Variants in FRMD8 observed in about 807,000 individuals in gnomAD.
FRMD8 encodes FERM domain containing 8, also known as FERM domain-containing protein 8.
A neutral mutation model predicts 54.2 loss-of-function variants in FRMD8; 37 were observed. The observed-to-expected ratio is 0.68, with a 90% CI of 0.53 to 0.90. The LOEUF is 0.90. FRMD8 is among the 40% of genes least tolerant of loss of function. The pLI, the probability that FRMD8 is intolerant of heterozygous loss-of-function variation, is 0.00. For synonymous variants in FRMD8, 246 were observed against 286.9 expected (o/e 0.86, Z 1.44); for missense variants, 585 against 653.7 (o/e 0.89, Z 1.15).
chr11:65,379,892 A>G, the FRMD8 span: 4 of 1,614,074 alleles, frequency 2.5e-6, no homozygotes, highest in African/African-American at 5.3e-5. Flanking sequence ...AATCTTGACC[A>G]TGCAATCAAC....
rs1856041613 is a variant in FRMD8, at chr11:65,400,148, G to A, written c.927+289G>A. On this transcript the variant is annotated intron_variant, in intron 8 of 10. Transcript: ENST00000317568. The surrounding 1 kb of genome is among the most constrained non-coding windows in gnomAD (Gnocchi z 4.3). ...CTGCTCTGCCTGGCTGATGGCTGGA[G>A]AACAGCCTGATGCTCCAGAAGACCC... 6.6e-6 allele frequency among the ~76,000 whole-genome samples: 1 copy of A among 152,196 alleles called. No homozygotes were observed. Among genetic ancestry groups the A allele is most frequent in the Non-Finnish European group, 1.5e-5 (1 of 68,020 alleles).
intron 10 of FRMD8, among the ~76,000 whole-genome samples, chr11:65,410,277 C>G (rs1856300709): frequency 6.6e-6 from 1 of 152,050 alleles, no homozygotes; most frequent in African/African-American, 2.4e-5. Flanking sequence ...ATGGGTGGAT[C>G]ATGAGGTCAA....
intron 6 of FRMD8, among the ~76,000 whole-genome samples, chr11:65,395,745 G>T (rs1302034486): frequency 1.3e-5 from 2 of 152,168 alleles, no homozygotes; most frequent in Non-Finnish European, 2.9e-5. Context: ...TTATCTGGCA[G>T]AACAAAGCAT....
At chr11:65,393,101 T>C (rs1855875408) in intron 3 of FRMD8, among the ~76,000 whole-genome samples, 1 of 152,176 alleles carries the variant, frequency 6.6e-6, no homozygotes. Flanking sequence ...GAAGGTCAGC[T>C]GGAGCTCCTC....
the FRMD8 span, chr11:65,377,516 G>A: frequency 2.8e-5 from 19 of 667,994 alleles, no homozygotes; most frequent in African/African-American, 1.6e-4. Context: ...AGGTCCCCTC[G>A]TGAGTGCTGT....
At chr11:65,384,665 T>C (rs901315702), upstream of FRMD8, among the ~76,000 whole-genome samples, 1 of 152,236 alleles carries the variant, frequency 6.6e-6, no homozygotes, top group Non-Finnish European at 1.5e-5. Context: ...TTCCTGCCTG[T>C]AGCATTTCAT....
At chr11:65,391,179 G>A (rs1590648259) in intron 3 of FRMD8, among the ~76,000 whole-genome samples, 1 of 152,360 alleles carries the variant, frequency 6.6e-6, no homozygotes, top group South Asian at 2.1e-4. Context: ...TTGTCACTCT[G>A]CGTGGAACAG....
At chr11:65,368,328 G>A in the FRMD8 span, among the ~76,000 whole-genome samples, 5 of 151,758 alleles carry the variant, frequency 3.3e-5, no homozygotes, top group Admixed American at 6.6e-5. Context: ...CGCCCACCTC[G>A]GCCTCCCAAA....
chr11:65,379,189 G>GC, the FRMD8 span: 2 of 641,948 alleles, frequency 3.1e-6, no homozygotes, highest in African/African-American at 3.7e-5. Flanking sequence ...TCTGCCTTTT[G>GC]CCCCCTCTGT....
At chr11:65,369,061 G>T in the FRMD8 span, among the ~76,000 whole-genome samples, 1 of 152,122 alleles carries the variant, frequency 6.6e-6, no homozygotes, top group Non-Finnish European at 1.5e-5. Flanking sequence ...GCAGCATCTG[G>T]GCAACATAGT....
chr11:65,376,256 G>T, the FRMD8 span: 1 of 984,426 alleles, frequency 1.0e-6, no homozygotes, highest in Non-Finnish European at 1.5e-6. Flanking sequence ...ACAGGTGTCT[G>T]CCCAGCCCAG....
chr11:65,389,154 A>G (rs892750531), intron 2 of FRMD8, among the ~76,000 whole-genome samples: 1 of 152,174 alleles, frequency 6.6e-6, no homozygotes, highest in Non-Finnish European at 1.5e-5. Context: ...AGGAAGCACT[A>G]ATAGATAGCA....
At chr11:65,399,902 G>C in intron 8 of FRMD8, 43 bp downstream of exon 8, 1 of 1,581,674 alleles carries the variant, frequency 6.3e-7, no homozygotes, top group South Asian at 1.2e-5. Flanking sequence ...ATGGGAGGGG[G>C]CTCCTGACTC....
chr11:65,370,951 G>T, the FRMD8 span, among the ~76,000 whole-genome samples: 1 of 152,186 alleles, frequency 6.6e-6, no homozygotes, highest in Non-Finnish European at 1.5e-5. Context: ...AGGAGTTAGA[G>T]ACTCTTTTGG....
the FRMD8 span, chr11:65,378,211 A>G: frequency 6.6e-6 from 1 of 152,170 alleles, no homozygotes; most frequent in African/African-American, 2.4e-5. Flanking sequence ...ACACCCCCAC[A>G]GGGGTGGTGG....
chr11:65,398,003 G>A (rs1422932822), intron 7 of FRMD8, among the ~76,000 whole-genome samples: 1 of 150,728 alleles, frequency 6.6e-6, no homozygotes, highest in Non-Finnish European at 1.5e-5. Flanking sequence ...AGCCTCCCAA[G>A]TAGCTGGGAC....
chr11:65,413,180 G>A lies in FRMD8; in HGVS notation c.*1820G>A, dbSNP rs1376116377. 6.6e-6 allele frequency: 1 copy of A among 152,094 alleles called. No individual in the cohort carries two copies. The highest frequency in any genetic ancestry group is 2.4e-5 in the African/African-American group (1 of 41,348). 9.4% of individuals were successfully genotyped at this position (152,094 alleles called of 1,614,324 possible). A position where few individuals can be genotyped will look rare whatever the true frequency, so the allele number is the denominator to read the frequency against. On this transcript the variant is annotated 3_prime_UTR_variant, in exon 11 of 11. Transcript: ENST00000317568. ...ATTTTTGTATTTTTAGTAGAGATAG[G>A]GTTTCACCATGTTGGTCAGGCTGGT...
At chr11:65,409,901 A>G (rs1372083765) in intron 10 of FRMD8, among the ~76,000 whole-genome samples, 5 of 152,070 alleles carry the variant, frequency 3.3e-5, no homozygotes, top group African/African-American at 4.8e-5. Flanking sequence ...CAATCGAGCA[A>G]GACCCTGTCT....
At chr11:65,410,785 G>A (rs1473202750) in intron 10 of FRMD8, among the ~76,000 whole-genome samples, 4 of 152,014 alleles carry the variant, frequency 2.6e-5, no homozygotes, top group South Asian at 2.1e-4. Flanking sequence ...GCGAGACTCC[G>A]TCTCAAAACA....
Sources: gnomAD v4.1 joint callset for allele counts (sites outside exome capture counted in the v4.1 genomes callset) on GRCh38, gnomAD v4.1.1 for gene constraint, Gnocchi (gnomAD v3.1) non-coding constraint, MANE v1.5 for transcripts, NCBI Gene and HGNC (gene_info 2026-07-23, HGNC 2026-07-21) for gene names.